CFHR5: variants seen among roughly 807,000 people sequenced by gnomAD.
CFHR5 encodes complement factor H related 5, also known as complement factor H-related protein 5.
CFHR5 carries 73 observed loss-of-function variants against 62.9 expected under a neutral mutation model. The ratio of observed to expected loss-of-function variants is 1.16; its 90% CI spans 0.96 to 1.41. The LOEUF is 1.41. Ranked by LOEUF, CFHR5 falls within the 40% of genes most tolerant of loss-of-function variation. CFHR5 has a pLI of 0.00. For synonymous variants in CFHR5, 249 were observed against 227.2 expected (o/e 1.10, Z -0.86); for missense variants, 779 against 679.9 (o/e 1.15, Z -1.62).
At chr1:196,987,928 G>A (rs988376067) in intron 3 of CFHR5, among the ~76,000 whole-genome samples, 4 of 152,030 alleles carry the variant, frequency 2.6e-5, no homozygotes, top group East Asian at 1.9e-4. Flanking sequence ...AACTTGATGC[G>A]GATGGCATTG....
In CFHR5 at chr1:197,004,755, G is replaced by C. The variant is rs754737527; in HGVS notation, c.1425G>C (p.Thr475=). Residue 475 remains threonine, a synonymous_variant, in exon 9 of 10, where the codon ACG becomes ACC. Transcript: ENST00000256785. ...TATATCCTCCAGGGTCAACAGTGACGTACCGTTGCCAGTCCTTCTATAAAC... is the reference window on the plus strand; with the variant it reads ...TATATCCTCCAGGGTCAACAGTGACCTACCGTTGCCAGTCCTTCTATAAAC... ...LSVYPPGSTV[T]YRCQSFYKLQ... is the part of the protein sequence containing the mutation. The C allele has an allele frequency of 6.2e-7, 1 of 1,612,634 alleles. No homozygotes were observed. Among genetic ancestry groups the C allele is most frequent in the Non-Finnish European group, 8.5e-7 (1 of 1,178,818 alleles).
chr1:196,977,316 C>A (rs115846544), upstream of CFHR5, among the ~76,000 whole-genome samples: 2,069 of 150,740 alleles, frequency 0.014, 55 homozygotes, highest in African/African-American at 0.047. Context: ...ACCCAGGGGG[C>A]CGGCGGTGGG....
At chr1:196,982,482 G>T (rs1308004797) in intron 1 of CFHR5, among the ~76,000 whole-genome samples, 1 of 152,114 alleles carries the variant, frequency 6.6e-6, no homozygotes, top group South Asian at 2.1e-4. Flanking sequence ...CACCAGTCTG[G>T]CCAATATGGT....
At position 197,008,573 on chromosome 1, in the gene CFHR5, G is replaced by A. The variant is rs1465740445; in HGVS notation, c.1600G>A (p.Gly534Arg). Reference protein sequence around the residue: ...RNDGKLYAKTGDAVEFQCKFP... With the variant: ...RNDGKLYAKTRDAVEFQCKFP... ...CGATGGAAAACTCTATGCAAAAACA[G>A]GGGATGCTGTTGAATTCCAGTGTAA... The change falls in exon 10 of 10, where the codon GGG (glycine) becomes AGG (arginine). Residue 534 changes from glycine to arginine, a missense_variant. Transcript: ENST00000256785. The A allele has an allele frequency of 2.5e-6, 4 of 1,613,526 alleles. No individual in the cohort carries two copies. Among genetic ancestry groups the A allele is most frequent in the Non-Finnish European group, 3.4e-6 (4 of 1,179,582 alleles).
chr1:196,976,261 A>T (rs1653392348), upstream of CFHR5, among the ~76,000 whole-genome samples: 1 of 152,166 alleles, frequency 6.6e-6, no homozygotes, highest in Non-Finnish European at 1.5e-5. Context: ...TAGTGAGATC[A>T]TTAGGCTGTT....
chr1:196,982,064 A>G (rs1653556783), intron 1 of CFHR5, among the ~76,000 whole-genome samples: 1 of 152,110 alleles, frequency 6.6e-6, no homozygotes, highest in Non-Finnish European at 1.5e-5. Context: ...GTAACCAGAA[A>G]GTAATCAGAA....
chr1:196,999,344 T>A (rs1336497609), intron 7 of CFHR5, among the ~76,000 whole-genome samples: 1 of 151,808 alleles, frequency 6.6e-6, no homozygotes, highest in Non-Finnish European at 1.5e-5. Flanking sequence ...TTGAAAGAAG[T>A]TTGAAGCCTT....
At chr1:196,978,028 A>G (rs950786242) in intron 1 of CFHR5, among the ~76,000 whole-genome samples, 2 of 152,192 alleles carry the variant, frequency 1.3e-5, no homozygotes, top group Admixed American at 6.5e-5. Context: ...ATATTAGTGT[A>G]ATTCTGCATA....
intron 8 of CFHR5, 85 bp from the exon 9 acceptor site, chr1:197,004,576 T>C: frequency 9.4e-7 from 1 of 1,060,246 alleles, no homozygotes; most frequent in South Asian, 1.3e-5. Flanking sequence ...AGACACCTTA[T>C]ATTAAAGATA....
rs762909951 is a variant in CFHR5, at chr1:197,004,816, CAG to C, written c.1487_1488del (p.Gln496LeufsTer15). The C allele has an allele frequency of 3.7e-6, 6 of 1,613,400 alleles. No homozygotes were observed. In the African/African-American group the frequency reaches 8.0e-5, roughly 22 times the overall value. ...GSVTVTCRNK[Q>X]WSEPPRCLDP... ...TGTAACTGTAACATGCAGAAATAAA[CAG>C]TGGTCAGAACCACCAAGATGCCTAG... On this transcript the variant is annotated frameshift_variant, in exon 9 of 10. Coordinates refer to ENST00000256785, the MANE Select transcript of CFHR5 (RefSeq NM_030787.4). LOFTEE classifies it low-confidence loss of function (END_TRUNC).
At chr1:196,997,288 G>C (rs1472351570) in intron 6 of CFHR5, among the ~76,000 whole-genome samples, 1 of 152,154 alleles carries the variant, frequency 6.6e-6, no homozygotes, top group Non-Finnish European at 1.5e-5. Flanking sequence ...CCAGAACGCT[G>C]TTATGGGAAG....
chr1:196,982,304 T>C (rs1241082032), intron 1 of CFHR5, among the ~76,000 whole-genome samples: 1 of 152,214 alleles, frequency 6.6e-6, no homozygotes, highest in Non-Finnish European at 1.5e-5. Context: ...TGTGTGAGGA[T>C]ATTGTTCTTG....
rs766211328 is a variant in CFHR5, at chr1:197,008,502, C to G, written c.1529C>G (p.Ser510Cys). The G allele has an allele frequency of 6.2e-7, 1 of 1,601,328 alleles. No homozygotes were observed. Among genetic ancestry groups the G allele is most frequent in the Non-Finnish European group, 8.5e-7 (1 of 1,171,842 alleles). ...CTTCTTTCAGATCCATGTGTGGTAT[C>G]TGAAGAAAACATGAACAAAAATAAC... ...PPRCLDPCVV[S>C]EENMNKNNIQ... The change falls in exon 10 of 10, where the codon TCT (serine) becomes TGT (cysteine). Residue 510 changes from serine to cysteine, a missense_variant. Transcript: ENST00000256785.
intron 3 of CFHR5, among the ~76,000 whole-genome samples, chr1:196,988,930 G>C (rs1266952293): frequency 6.6e-6 from 1 of 152,250 alleles, no homozygotes; most frequent in South Asian, 2.1e-4. Context: ...GATTGGAATA[G>C]TTTCAGAAGG....
chr1:196,996,361 T>G (rs1410073505), intron 6 of CFHR5, among the ~76,000 whole-genome samples, 160 bp downstream of exon 6: 2 of 152,164 alleles, frequency 1.3e-5, no homozygotes, highest in African/African-American at 2.4e-5. Flanking sequence ...TACATTAAAC[T>G]TTACCATATG....
rs761208050 is a variant in CFHR5, at chr1:196,995,848, A to G, written c.739A>G (p.Lys247Glu). The G allele has an allele frequency of 6.2e-7, 1 of 1,613,412 alleles. No individual in the cohort carries two copies. The highest frequency in any genetic ancestry group is 8.5e-7 in the Non-Finnish European group (1 of 1,179,466). Residue 247 changes from lysine (K) to glutamate (E), a missense_variant, in exon 5 of 10, where the codon AAG (lysine) becomes GAG (glutamate). Physicochemically the swap from Lys to Glu is moderately conservative, Grantham distance 56 (BLOSUM62 1). Transcript: ENST00000256785. ...CNPNFIINGP[K>E]KIQCVDGEWT... is the part of the protein sequence containing the mutation. The stretch of plus-strand genomic sequence containing the variant: ...TCCTAATTTTATAATAAACGGGCCT[A>G]AGAAAATACAATGTGTGGATGGAGA...
At chr1:196,998,003 T>C (rs550280908) in intron 6 of CFHR5, 125 bp from the exon 7 acceptor site, 126 of 630,076 alleles carry the variant, frequency 2.0e-4, no homozygotes, top group Non-Finnish European at 3.2e-4. Flanking sequence ...GTCTATTTTG[T>C]GCAATGAGAT....
rs1304056719 is a variant in CFHR5, at chr1:196,995,701, G to A, written c.608-16G>A. On this transcript the variant is annotated splice_polypyrimidine_tract_variant and intron_variant, in intron 4 of 9. Coordinates refer to ENST00000256785, the MANE Select transcript of CFHR5 (RefSeq NM_030787.4). Reference sequence around the variant, plus strand: ...ATAAGACCATTTAAGCATTATTTATGGTTTCTTTATAATAGGACAAGTACG... The same window carrying A: ...ATAAGACCATTTAAGCATTATTTATAGTTTCTTTATAATAGGACAAGTACG... The A allele has an allele frequency of 6.2e-7, 1 of 1,604,940 alleles. No individual in the cohort carries two copies. Among genetic ancestry groups the A allele is most frequent in the Admixed American group, 1.7e-5 (1 of 59,934 alleles).
chr1:196,991,298 A>T (rs183273225), intron 3 of CFHR5, among the ~76,000 whole-genome samples: 2 of 152,064 alleles, frequency 1.3e-5, no homozygotes, highest in African/African-American at 4.8e-5. Context: ...CTTCCTTGCG[A>T]TGGGTTCAAA....
Sources: allele counts gnomAD v4.1 joint callset (sites outside exome capture counted in the v4.1 genomes callset), GRCh38; gene constraint gnomAD v4.1.1; transcripts MANE v1.5; gene names NCBI Gene and HGNC (gene_info 2026-07-23, HGNC 2026-07-21).